PTPRD: variants seen among roughly 807,000 people sequenced by gnomAD.
PTPRD encodes the protein protein tyrosine phosphatase receptor type D, also known as receptor-type tyrosine-protein phosphatase delta.
In PTPRD, 34 loss-of-function variants were observed where a neutral mutation model predicts 214.5. The ratio of observed to expected loss-of-function variants is 0.16; its 90% CI spans 0.12 to 0.21. The LOEUF is 0.21. PTPRD is among the 10% of genes least tolerant of loss of function. The pLI, the probability that PTPRD is intolerant of heterozygous loss-of-function variation, is 1.00. For synonymous variants in PTPRD, 1,128 were observed against 845.7 expected (o/e 1.33, Z -5.79); for missense variants, 2,545 against 2,398.7 (o/e 1.06, Z -1.27).
At chr9:9,764,865 G>T (rs2098693536) in intron 6 of PTPRD, among the ~76,000 whole-genome samples, 1 of 152,122 alleles carries the variant, frequency 6.6e-6, no homozygotes, top group African/African-American at 2.4e-5. Context: ...CTAGTTTTCA[G>T]TTCATTACCA....
chr9:9,775,026 A>G (rs371018448), intron 5 of PTPRD, among the ~76,000 whole-genome samples: 35 of 152,300 alleles, frequency 2.3e-4, no homozygotes, highest in African/African-American at 7.7e-4. Context: ...TGAAAAGGAG[A>G]CAAGATGAAG....
intron 3 of PTPRD, among the ~76,000 whole-genome samples, chr9:10,206,690 T>G (rs1276773514): frequency 6.6e-6 from 1 of 152,180 alleles, no homozygotes; most frequent in East Asian, 1.9e-4. Context: ...TAAATATAGT[T>G]TGAATTATAT....
At chr9:8,370,992 C>A (rs1181803523) in intron 39 of PTPRD, among the ~76,000 whole-genome samples, 1 of 152,040 alleles carries the variant, frequency 6.6e-6, no homozygotes, top group Non-Finnish European at 1.5e-5. Flanking sequence ...TATGACAGGG[C>A]CTCTTCAGTT....
At chr9:9,889,655 T>G (rs1468969687) in intron 5 of PTPRD, among the ~76,000 whole-genome samples, 1 of 152,180 alleles carries the variant, frequency 6.6e-6, no homozygotes, top group African/African-American at 2.4e-5. Context: ...GTAGCTGGAC[T>G]CTAAATATTT....
intron 2 of PTPRD, among the ~76,000 whole-genome samples, chr9:10,506,747 C>T (rs1231866133): frequency 6.6e-6 from 1 of 152,112 alleles, no homozygotes; most frequent in Non-Finnish European, 1.5e-5. Flanking sequence ...TCATGGCCTT[C>T]ACTCTGTTAA....
intron 10 of PTPRD, among the ~76,000 whole-genome samples, chr9:9,105,628 C>T (rs2099797412): frequency 6.6e-6 from 1 of 152,134 alleles, no homozygotes; most frequent in East Asian, 1.9e-4. Flanking sequence ...ACTTCATCAA[C>T]TAAGATCAGA....
intron 2 of PTPRD, among the ~76,000 whole-genome samples, chr9:10,417,594 A>G (rs1267917559): frequency 6.6e-6 from 1 of 151,830 alleles, no homozygotes; most frequent in Non-Finnish European, 1.5e-5. Flanking sequence ...CCTTATAATA[A>G]CCATATATCA....
intron 37 of PTPRD, among the ~76,000 whole-genome samples, chr9:8,387,009 G>C (rs1321490843): frequency 1.3e-5 from 2 of 152,172 alleles, no homozygotes; most frequent in Non-Finnish European, 2.9e-5. Flanking sequence ...TGTATTGTCA[G>C]ATTGGTGGTG....
chr9:9,219,778 A>C (rs1413523232), intron 9 of PTPRD, among the ~76,000 whole-genome samples: 1 of 151,302 alleles, frequency 6.6e-6, no homozygotes, highest in East Asian at 2.0e-4. Flanking sequence ...CTCCACCCTG[A>C]GAGTTCTACA....
rs891233079 is a variant in PTPRD at position 8,713,477 on chromosome 9, A to C, written c.64+20303T>G. On this transcript the variant is annotated intron_variant, in intron 12 of 45. Transcript: ENST00000381196. ...GTATCTCAGTTAAAGAAAATGAAGAAGTCTTCAGGGGAGACTGTCTACTGT... is the reference window on the plus strand; with the variant it reads ...GTATCTCAGTTAAAGAAAATGAAGACGTCTTCAGGGGAGACTGTCTACTGT... The C allele has an allele frequency of 1.1e-5, 12 of 1,126,186 alleles. No individual in the cohort carries two copies. In the South Asian group the frequency reaches 1.4e-4, roughly 13 times the overall value. 69.8% of individuals were successfully genotyped at this position (1,126,186 alleles called of 1,614,324 possible). A position where few individuals can be genotyped will look rare whatever the true frequency, so the allele number is the denominator to read the frequency against.
intron 3 of PTPRD, among the ~76,000 whole-genome samples, chr9:10,068,015 C>T (rs2097915457): frequency 6.6e-6 from 1 of 151,864 alleles, no homozygotes; most frequent in African/African-American, 2.4e-5. Flanking sequence ...TAAACTTTTC[C>T]TTCTATATTT....
At chr9:9,527,038 A>G (rs1266584669) in intron 8 of PTPRD, among the ~76,000 whole-genome samples, 1 of 152,180 alleles carries the variant, frequency 6.6e-6, no homozygotes, top group Non-Finnish European at 1.5e-5. Flanking sequence ...TATAATATTT[A>G]ATGAGTCTGT....
At chr9:9,828,422 G>A (rs1041146740) in intron 5 of PTPRD, among the ~76,000 whole-genome samples, 1 of 152,070 alleles carries the variant, frequency 6.6e-6, no homozygotes, top group Non-Finnish European at 1.5e-5. Flanking sequence ...AACACTGCAT[G>A]TTCTCACTCA....
At chr9:8,599,021 C>T (rs994550507) in intron 14 of PTPRD, among the ~76,000 whole-genome samples, 28 of 152,286 alleles carry the variant, frequency 1.8e-4, no homozygotes, top group African/African-American at 6.3e-4. Flanking sequence ...ATAATTATAA[C>T]GTGTCCTGGG....
chr9:9,932,107 TA>T (rs1484554195), intron 5 of PTPRD, among the ~76,000 whole-genome samples: 2 of 148,278 alleles, frequency 1.3e-5, no homozygotes, highest in Non-Finnish European at 3.0e-5. Context: ...CAAAAGTAGA[TA>T]AAACCACAAA....
intron 8 of PTPRD, among the ~76,000 whole-genome samples, chr9:9,483,982 C>A (rs2095523756): frequency 6.6e-6 from 1 of 151,672 alleles, no homozygotes; most frequent in African/African-American, 2.4e-5. Flanking sequence ...TAAAAAAAAT[C>A]CACACCATAT....
At chr9:10,299,378 G>T (rs2095793043) in intron 3 of PTPRD, among the ~76,000 whole-genome samples, 2 of 152,046 alleles carry the variant, frequency 1.3e-5, no homozygotes, top group Non-Finnish European at 1.5e-5. Flanking sequence ...TCCCTGGAAG[G>T]CAAGGGACTG....
intron 11 of PTPRD, among the ~76,000 whole-genome samples, chr9:8,942,776 C>A (rs1243852227): frequency 6.6e-6 from 1 of 151,934 alleles, no homozygotes; most frequent in East Asian, 1.9e-4. Context: ...TGGGCTTCAG[C>A]TTTATTATAA....
At chr9:8,318,157 A>G (rs1222723248) in intron 45 of PTPRD, among the ~76,000 whole-genome samples, 1 of 151,988 alleles carries the variant, frequency 6.6e-6, no homozygotes, top group Non-Finnish European at 1.5e-5. Flanking sequence ...AATTTGACTA[A>G]AACGATCTCC....
Sources: gnomAD v4.1 joint callset for allele counts (sites outside exome capture counted in the v4.1 genomes callset) on GRCh38, gnomAD v4.1.1 for gene constraint, MANE v1.5 for transcripts, NCBI Gene and HGNC (gene_info 2026-07-23, HGNC 2026-07-21) for gene names.